Variants in NBPF12 observed in about 807,000 individuals in gnomAD.
NBPF12 encodes the protein NBPF member 12, also known as NBPF family member NBPF12.
NBPF12 carries 115 observed loss-of-function variants against 146.4 expected under a neutral mutation model. The observed-to-expected ratio is 0.79, with a 90% CI of 0.68 to 0.92. The LOEUF (loss-of-function observed/expected upper bound fraction) is 0.92. Among genes scored for constraint, NBPF12 ranks in the 40% least tolerant of loss-of-function variants. The pLI is 0.00. For synonymous variants in NBPF12, 385 were observed against 508.9 expected, an observed-to-expected ratio of 0.76 and a Z score of 3.28; for missense variants, 1,205 against 1,326.8, an observed-to-expected ratio of 0.91 and a Z score of 1.43.
intron 19 of NBPF12, among the ~76,000 whole-genome samples, chr1:146,982,631 G>A (rs1391223272): frequency 1.3e-5 from 2 of 151,502 alleles, no homozygotes; most frequent in Non-Finnish European, 2.9e-5. Context: ...TTGAAGCCCT[G>A]TGTCAGTTCT....
chr1:146,945,854 G>A (rs1655032775), upstream of NBPF12, among the ~76,000 whole-genome samples: 1 of 151,960 alleles, frequency 6.6e-6, no homozygotes, highest in African/African-American at 2.4e-5. Context: ...CACAGATTGT[G>A]GGTTTTGGCA....
At chr1:146,992,460 CTCTGTGTGTGTGTGTGTGTGTGTGTGTG>C (rs1658243404) in intron 31 of NBPF12, among the ~76,000 whole-genome samples, 10 of 88,942 alleles carry the variant, frequency 1.1e-4, no homozygotes, top group Admixed American at 4.1e-4. Context: ...CTCTCTCTCT[CTCTGTGTGTGTGTGTGTGTGTGTGTGTG>C]TGTGTGTGTG....
exon 34 of NBPF12, chr1:146,995,313 G>A (rs1296866945): frequency 7.7e-6 from 1 of 129,986 alleles, no homozygotes; most frequent in East Asian, 2.2e-4. Flanking sequence ...CCATGTTCTT[G>A]CAGAAAACGC....
chr1:146,969,717 A>G (rs1442611696), intron 11 of NBPF12, 121 bp downstream of exon 14: 23 of 1,561,692 alleles, frequency 1.5e-5, no homozygotes, highest in Non-Finnish European at 1.9e-5. Flanking sequence ...ATGTGTGGCC[A>G]TGACATGACC....
rs1388114163 is a variant in NBPF12, at chr1:146,966,181, T to G, written c.779-283T>G. On this transcript the variant is annotated intron_variant, in intron 8 of 33. Coordinates refer to ENST00000617844, the Ensembl canonical transcript of NBPF12. ...AAATCTTTTGTGCTACACAGAAACATTGGCCACTCATGGGATAAAAATCTC... is the reference window on the plus strand; with the variant it reads ...AAATCTTTTGTGCTACACAGAAACAGTGGCCACTCATGGGATAAAAATCTC... 5.7e-3 allele frequency among the ~76,000 whole-genome samples: 873 copies of G among 152,054 alleles called. 6 individuals are homozygous for G. Among genetic ancestry groups the G allele is most frequent in the African/African-American group, 0.02 (826 of 41,318 alleles).
chr1:146,974,768 T>C, exon 15 of NBPF12: 1 of 985,012 alleles, frequency 1.0e-6, no homozygotes, highest in South Asian at 1.5e-5. Flanking sequence ...CCTCCTAAAA[T>C]CTATGCTGAG....
At chr1:146,973,097 A>G in intron 14 of NBPF12, 137 bp downstream of exon 17, 3 of 614,378 alleles carry the variant, frequency 4.9e-6, no homozygotes, top group Non-Finnish European at 8.8e-6. Flanking sequence ...GTATTTTAAC[A>G]TTTTGTTAAA....
At chr1:146,994,455 G>T (rs782811997) in exon 34 of NBPF12, 2 of 1,609,400 alleles carry the variant, frequency 1.2e-6, no homozygotes, top group Non-Finnish European at 8.5e-7. Flanking sequence ...ACAGAAGTGT[G>T]TTTTACTCAT....
chr1:146,956,101 C>G (rs1443474967), intron 2 of NBPF12, among the ~76,000 whole-genome samples: 2 of 151,538 alleles, frequency 1.3e-5, no homozygotes, highest in Admixed American at 6.6e-5. Flanking sequence ...ATGATAGTTT[C>G]TTCATAATAG....
rs2101855922 is a variant in NBPF12, at chr1:146,965,004, C to T, written c.678C>T (p.Asn226=). The change falls in exon 8 of 34, where the codon AAC becomes AAT. Residue 226 remains asparagine, a synonymous_variant. Transcript: ENST00000617844. ...GTGACTCCATCCAGCCTCACAAGAACATCAAAATCACATTTGAGGAAGACA... is the reference window on the plus strand; with the variant it reads ...GTGACTCCATCCAGCCTCACAAGAATATCAAAATCACATTTGAGGAAGACA... 3.1e-6 allele frequency: 5 copies of T among 1,608,298 alleles called. No homozygotes were observed. The East Asian group carries it at 1.1e-4, about 36-fold the overall frequency.
exon 14 of NBPF12, chr1:146,972,817 A>C (rs1656742382): frequency 7.3e-7 from 1 of 1,371,916 alleles, no homozygotes; most frequent in South Asian, 1.2e-5. Context: ...TTGTCCAGCG[A>C]GAAGGCAGAG....
chr1:146,994,387 G>A, exon 34 of NBPF12: 1 of 1,612,394 alleles, frequency 6.2e-7, no homozygotes, highest in Non-Finnish European at 8.5e-7. Flanking sequence ...GGACTCACTG[G>A]ATAGATGTTA....
At chr1:146,946,665 C>G (rs1465286538), upstream of NBPF12, among the ~76,000 whole-genome samples, 6 of 148,936 alleles carry the variant, frequency 4.0e-5, no homozygotes, top group Admixed American at 1.3e-4. Context: ...CAGTGTCTTT[C>G]ACAGAACAGA....
At chr1:146,961,007 G>C (rs1419078942) in intron 4 of NBPF12, among the ~76,000 whole-genome samples, 2 of 152,050 alleles carry the variant, frequency 1.3e-5, no homozygotes, top group African/African-American at 4.8e-5. Flanking sequence ...GTAGATGGGC[G>C]TCGTGGCGGG....
intron 2 of NBPF12, among the ~76,000 whole-genome samples, chr1:146,955,756 T>C (rs1273328866): frequency 6.6e-6 from 1 of 151,506 alleles, no homozygotes; most frequent in African/African-American, 2.5e-5. Context: ...TTATCTTGTC[T>C]CCTGCTAAAT....
At chr1:146,982,451 G>A (rs1657455519) in intron 19 of NBPF12, among the ~76,000 whole-genome samples, 1 of 150,692 alleles carries the variant, frequency 6.6e-6, no homozygotes, top group African/African-American at 2.4e-5. Flanking sequence ...TTTGTTGGTA[G>A]TATGTTGGCT....
At chr1:146,969,953 A>G (rs1482695737) in intron 11 of NBPF12, among the ~76,000 whole-genome samples, 1 of 150,582 alleles carries the variant, frequency 6.6e-6, no homozygotes, top group Non-Finnish European at 1.5e-5. Flanking sequence ...CAATGTTCTT[A>G]GTAAGTGTCG....
chr1:146,989,339 T>A (rs1657997390), intron 27 of NBPF12, among the ~76,000 whole-genome samples: 1 of 104,834 alleles, frequency 9.5e-6, no homozygotes, highest in Non-Finnish European at 2.1e-5. Flanking sequence ...ACTTTCTCTC[T>A]GTCTCTGTCT....
At chr1:146,940,734 T>A (rs1173873290) in intron 1 of NBPF12, among the ~76,000 whole-genome samples, 2 of 152,098 alleles carry the variant, frequency 1.3e-5, no homozygotes, top group African/African-American at 2.4e-5. Context: ...AAGTGTTTTA[T>A]CAGGTAGCAG....
Sources: gnomAD v4.1 joint callset for allele counts (sites outside exome capture counted in the v4.1 genomes callset) on GRCh38, gnomAD v4.1.1 for gene constraint, MANE v1.5 for transcripts, NCBI Gene and HGNC (gene_info 2026-07-23, HGNC 2026-07-21) for gene names.